The following SLAMF6 variants were observed in gnomAD, a reference collection of about 807,000 sequenced individuals.
SLAMF6 encodes NK-T-B-antigen.
In SLAMF6, 21 loss-of-function variants were observed where a neutral mutation model predicts 38.3. The ratio of observed to expected loss-of-function variants is 0.55; its 90% CI spans 0.39 to 0.79. SLAMF6 has a LOEUF of 0.79. Ranked by LOEUF, SLAMF6 falls within the 30% of genes least tolerant of loss-of-function variation. The probability of loss-of-function intolerance (pLI) is 0.00; values close to 1 mark genes in which losing one functional copy is unlikely to be tolerated. For synonymous variants in SLAMF6, 152 were observed against 146.3 expected, an observed-to-expected ratio of 1.04 and a Z score of -0.28; for missense variants, 341 against 385.3, an observed-to-expected ratio of 0.89 and a Z score of 0.96.
At chr1:160,522,652 G>C (rs1384925146) in intron 1 of SLAMF6, among the ~76,000 whole-genome samples, 2 of 152,034 alleles carry the variant, frequency 1.3e-5, no homozygotes, top group Admixed American at 1.3e-4. Flanking sequence ...TGAGCAAAAG[G>C]TGAGAGGGTT....
intron 1 of SLAMF6, among the ~76,000 whole-genome samples, chr1:160,499,918 C>T (rs1421251473): frequency 6.6e-6 from 1 of 152,178 alleles, no homozygotes; most frequent in African/African-American, 2.4e-5. Flanking sequence ...TTCCTCTTTC[C>T]TCTGAATCAC....
At chr1:160,486,845 AG>A (rs1652989220) in intron 7 of SLAMF6, 91 bp from the exon 8 acceptor site, 1 of 1,422,274 alleles carries the variant, frequency 7.0e-7, no homozygotes. Context: ...TGGAGACTAC[AG>A]AGAGGCAGAT....
At chr1:160,496,720 T>C (rs1302840358) in intron 1 of SLAMF6, among the ~76,000 whole-genome samples, 1 of 152,064 alleles carries the variant, frequency 6.6e-6, no homozygotes, top group Non-Finnish European at 1.5e-5. Context: ...CCTTGGACAT[T>C]AGGTTGAGGG....
chr1:160,498,859 T>C (rs1262620780), intron 1 of SLAMF6, among the ~76,000 whole-genome samples: 1 of 152,240 alleles, frequency 6.6e-6, no homozygotes, highest in Non-Finnish European at 1.5e-5. Flanking sequence ...CTTGTATATC[T>C]TCATTTAAGA....
chr1:160,492,686 G>A (rs1002721520), intron 2 of SLAMF6, among the ~76,000 whole-genome samples: 1 of 152,146 alleles, frequency 6.6e-6, no homozygotes. Context: ...ACTTGGTATA[G>A]TCTAAAGGAC....
At position 160,491,378 on chromosome 1, in the gene SLAMF6, C is replaced by A; in HGVS notation, c.393G>T (p.Arg131Ser). ...GACTGTGATTGGTAACTTGTATGTT[C>A]CTCAGTTGTCCTGTTTGCAGAAAAA... ...SYTLRILRQL[R>S]NIQVTNHSQL... Residue 131 changes from arginine to serine, a missense_variant, in exon 3 of 8, where the codon AGG becomes AGT. By Grantham distance (110) the Arg-to-Ser change is moderately radical. Coordinates refer to ENST00000368057, the MANE Select transcript of SLAMF6 (RefSeq NM_001184714.2). 1 of 1,611,414 alleles carries A rather than the reference C, an allele frequency of 6.2e-7. No individual in the cohort carries two copies. The highest frequency in any genetic ancestry group is 1.1e-5 in the South Asian group (1 of 90,856).
chr1:160,491,681 T>C (rs976282119), intron 2 of SLAMF6, among the ~76,000 whole-genome samples: 1 of 152,152 alleles, frequency 6.6e-6, no homozygotes, highest in African/African-American at 2.4e-5. Context: ...ATTTTATATT[T>C]CTGGTCTCCA....
intron 2 of SLAMF6, 117 bp downstream of exon 2, chr1:160,495,944 A>G (rs187581802): frequency 5.5e-6 from 5 of 901,300 alleles, no homozygotes; most frequent in Non-Finnish European, 6.8e-6. Context: ...TGACTCAATG[A>G]CTCCAAATGC....
chr1:160,507,956 G>A (rs12062138), intron 1 of SLAMF6, among the ~76,000 whole-genome samples: 5,209 of 152,140 alleles, frequency 0.034, 339 homozygotes, highest in African/African-American at 0.12. Flanking sequence ...TAAAAGGGAT[G>A]TGAAGGACCT....
intron 2 of SLAMF6, 112 bp downstream of exon 2, chr1:160,495,949 A>C (rs1653552884): frequency 1.0e-6 from 1 of 965,978 alleles, no homozygotes; most frequent in Admixed American, 2.4e-5. Context: ...CAATGACTCC[A>C]AATGCCATAT....
At chr1:160,489,355 C>A (rs1207345441) in intron 5 of SLAMF6, among the ~76,000 whole-genome samples, 185 bp from the exon 6 acceptor site, 4 of 152,104 alleles carry the variant, frequency 2.6e-5, no homozygotes, top group Admixed American at 2.6e-4. Flanking sequence ...GTCATGTGGT[C>A]TATTTCTGAC....
intron 7 of SLAMF6, 174 bp from the exon 8 acceptor site, chr1:160,486,928 T>C (rs1421649742): frequency 4.9e-6 from 2 of 409,108 alleles, no homozygotes; most frequent in African/African-American, 4.4e-5. Context: ...TTATGCATGG[T>C]GATCCTAATA....
At chr1:160,502,433 G>A (rs1344421856) in intron 1 of SLAMF6, among the ~76,000 whole-genome samples, 1 of 152,128 alleles carries the variant, frequency 6.6e-6, no homozygotes, top group Non-Finnish European at 1.5e-5. Flanking sequence ...GGGTACATTT[G>A]TTTACAAGTT....
At chr1:160,501,361 G>A (rs2031400) in intron 1 of SLAMF6, among the ~76,000 whole-genome samples, 1,965 of 152,260 alleles carry the variant, frequency 0.013, 48 homozygotes, top group African/African-American at 0.045. Context: ...CATTGCCCTC[G>A]TATCACTATT....
chr1:160,511,426 T>C (rs1221786566), intron 1 of SLAMF6, among the ~76,000 whole-genome samples: 1 of 152,186 alleles, frequency 6.6e-6, no homozygotes, highest in Admixed American at 6.5e-5. Context: ...CAAACATTTA[T>C]GGCCAGGTGA....
At chr1:160,509,026 A>T (rs747265232) in intron 1 of SLAMF6, among the ~76,000 whole-genome samples, 7 of 152,254 alleles carry the variant, frequency 4.6e-5, no homozygotes, top group Non-Finnish European at 7.3e-5. Flanking sequence ...GAGGATATGG[A>T]GAAACAGGAA....
intron 1 of SLAMF6, among the ~76,000 whole-genome samples, chr1:160,501,240 A>G (rs1176114452): frequency 1.3e-5 from 2 of 152,158 alleles, no homozygotes; most frequent in African/African-American, 4.8e-5. Context: ...GGAATATAAG[A>G]TACTGTCAGT....
intron 2 of SLAMF6, among the ~76,000 whole-genome samples, chr1:160,493,137 G>T (rs770731915): frequency 4.0e-5 from 6 of 151,742 alleles, no homozygotes; most frequent in African/African-American, 1.5e-4. Context: ...GTCCTTTTGC[G>T]ATGTGGCCCC....
intron 1 of SLAMF6, among the ~76,000 whole-genome samples, chr1:160,501,957 A>G (rs1653924249): frequency 6.6e-6 from 1 of 152,146 alleles, no homozygotes. Flanking sequence ...GCAAAACTAG[A>G]TTTGAGACAA....
Sources: allele counts gnomAD v4.1 joint callset (sites outside exome capture counted in the v4.1 genomes callset), GRCh38; gene constraint gnomAD v4.1.1; transcripts MANE v1.5; gene names NCBI Gene and HGNC (gene_info 2026-07-23, HGNC 2026-07-21).